MDGA2: variants seen among roughly 807,000 people sequenced by gnomAD.
MDGA2 encodes MAM domain containing glycosylphosphatidylinositol anchor 2.
Under a neutral mutation model 117.8 loss-of-function variants are expected in MDGA2, and 40 were observed. That is an observed-to-expected ratio of 0.34 (90% CI 0.26 to 0.44). MDGA2 has a LOEUF of 0.44. MDGA2 is among the 20% of genes least tolerant of loss of function. The pLI is 1.00. For missense variants in MDGA2, 1,123 were observed against 1,250.6 expected, an observed-to-expected ratio of 0.90 and a Z score of 1.54; for synonymous variants, 452 against 439.0, an observed-to-expected ratio of 1.03 and a Z score of -0.37.
chr14:46,866,945 G>A (rs1319698636), intron 14 of MDGA2, among the ~76,000 whole-genome samples: 2 of 152,122 alleles, frequency 1.3e-5, no homozygotes, highest in East Asian at 3.9e-4. Context: ...CTGTTGGTGG[G>A]ACTGTAAACT....
At chr14:46,968,822 G>A (rs865857404) in intron 8 of MDGA2, among the ~76,000 whole-genome samples, 6 of 145,748 alleles carry the variant, frequency 4.1e-5, no homozygotes, top group African/African-American at 1.0e-4. Flanking sequence ...AGGAAACAGA[G>A]CAAGACTCTG....
chr14:47,313,958 CA>C (rs1889722103), intron 1 of MDGA2, among the ~76,000 whole-genome samples: 1 of 152,042 alleles, frequency 6.6e-6, no homozygotes. Flanking sequence ...GAGAAACTGT[CA>C]ATAACAGCAT....
At chr14:46,882,429 G>C (rs545074661) in intron 10 of MDGA2, among the ~76,000 whole-genome samples, 1 of 151,016 alleles carries the variant, frequency 6.6e-6, no homozygotes, top group South Asian at 2.1e-4. Context: ...ATGATCAGAG[G>C]TATTTAATAG....
intron 1 of MDGA2, among the ~76,000 whole-genome samples, chr14:47,612,241 T>TAGAC (rs1896863348): frequency 6.6e-6 from 1 of 151,980 alleles, no homozygotes; most frequent in African/African-American, 2.4e-5. Context: ...GATAGATAGA[T>TAGAC]AGATAGATAG....
intron 1 of MDGA2, among the ~76,000 whole-genome samples, chr14:47,338,140 C>T (rs1338156810): frequency 1.3e-5 from 2 of 151,994 alleles, no homozygotes; most frequent in Admixed American, 1.3e-4. Flanking sequence ...TTTTCAATAG[C>T]TGTTATACCT....
At chr14:47,364,761 C>T (rs1284530410) in intron 1 of MDGA2, among the ~76,000 whole-genome samples, 2 of 152,170 alleles carry the variant, frequency 1.3e-5, no homozygotes, top group African/African-American at 4.8e-5. Flanking sequence ...GTGAGTGATG[C>T]TAATCTGCAT....
chr14:47,546,972 T>A (rs1279203359), intron 1 of MDGA2, among the ~76,000 whole-genome samples: 2 of 152,184 alleles, frequency 1.3e-5, no homozygotes, highest in African/African-American at 4.8e-5. Flanking sequence ...CAAGGTTATT[T>A]GTCCTCCATG....
chr14:47,509,000 C>T (rs564401722), intron 1 of MDGA2, among the ~76,000 whole-genome samples: 1 of 152,190 alleles, frequency 6.6e-6, no homozygotes, highest in Non-Finnish European at 1.5e-5. Context: ...AAGGAACACA[C>T]CTTCTTATGA....
rs562953641 is a variant in MDGA2, at chr14:47,090,901, T to C, written c.1195+5953A>G. On this transcript the variant is annotated intron_variant, in intron 6 of 16. Coordinates refer to ENST00000399232, the MANE Select transcript of MDGA2 (RefSeq NM_001113498.3). The stretch of plus-strand genomic sequence containing the variant: ...CACTAGTTATTTGAATAAAGAAGCA[T>C]TGAAGATTACTGCAGACCTAGCCAC... Among the ~76,000 whole-genome samples the C allele has an allele frequency of 2.1e-3, 324 of 152,252 alleles. 9 individuals carry two copies. The South Asian group carries it at 0.057, about 27-fold the overall frequency.
intron 1 of MDGA2, among the ~76,000 whole-genome samples, chr14:47,617,358 C>A (rs959373688): frequency 6.6e-6 from 1 of 152,066 alleles, no homozygotes; most frequent in South Asian, 2.1e-4. Context: ...GTGCCCACCA[C>A]CACACCTGGC....
At chr14:47,248,178 G>T (rs1887314024) in intron 2 of MDGA2, among the ~76,000 whole-genome samples, 1 of 150,422 alleles carries the variant, frequency 6.6e-6, no homozygotes, top group Non-Finnish European at 1.5e-5. Context: ...GGGATTGCTG[G>T]GTCAAATGGT....
At chr14:46,918,166 T>C (rs1469086459) in intron 10 of MDGA2, among the ~76,000 whole-genome samples, 2 of 152,186 alleles carry the variant, frequency 1.3e-5, no homozygotes, top group African/African-American at 4.8e-5. Context: ...TATGACTCTA[T>C]CTTTGCAAAT....
At chr14:47,291,490 C>T (rs1050770063) in intron 2 of MDGA2, among the ~76,000 whole-genome samples, 1 of 152,142 alleles carries the variant, frequency 6.6e-6, no homozygotes, top group African/African-American at 2.4e-5. Context: ...AACCCCAACG[C>T]AACTTGAAAA....
intron 1 of MDGA2, among the ~76,000 whole-genome samples, chr14:47,392,536 T>A (rs1003775535): frequency 4.6e-5 from 7 of 152,086 alleles, no homozygotes; most frequent in African/African-American, 1.4e-4. Flanking sequence ...AAGATAAATA[T>A]AGACTCTGCC....
Position 47,655,392 on chromosome 14 carries a change from A to G in MDGA2, c.280+19125T>C, listed in dbSNP as rs373105879. On this transcript the variant is annotated intron_variant, in intron 1 of 16. Transcript: ENST00000399232. ...TAATAACTTTTCTGTCCTCTGCCATAATACAGTCTGAAAGAATCTGAATGT... is the reference window on the plus strand; with the variant it reads ...TAATAACTTTTCTGTCCTCTGCCATGATACAGTCTGAAAGAATCTGAATGT... Among the ~76,000 whole-genome samples the G allele has an allele frequency of 1.2e-4, 19 of 152,256 alleles. No individual in the cohort carries two copies. The South Asian group carries it at 3.3e-3, about 27-fold the overall frequency.
At chr14:47,164,404 A>G (rs1319399656) in intron 3 of MDGA2, among the ~76,000 whole-genome samples, 3 of 152,228 alleles carry the variant, frequency 2.0e-5, no homozygotes, top group African/African-American at 7.2e-5. Context: ...CAAATTTACA[A>G]GAAAAAAACA....
intron 8 of MDGA2, among the ~76,000 whole-genome samples, chr14:46,973,951 G>A (rs564140945): frequency 2.6e-4 from 38 of 148,576 alleles, no homozygotes; most frequent in African/African-American, 9.5e-4. Context: ...ACAGCTCACT[G>A]CAGCCTCTGA....
At chr14:47,267,280 A>G (rs1594762499) in intron 2 of MDGA2, among the ~76,000 whole-genome samples, 1 of 103,442 alleles carries the variant, frequency 9.7e-6, no homozygotes, top group Non-Finnish European at 2.3e-5. Flanking sequence ...ATTCTAAGTG[A>G]AAAAAAACAG....
At chr14:47,516,079 T>A in intron 1 of MDGA2, among the ~76,000 whole-genome samples, 2 of 152,212 alleles carry the variant, frequency 1.3e-5, no homozygotes, top group East Asian at 3.9e-4. Context: ...TAGTACATTT[T>A]CTTAGGCACA....
Sources: gnomAD v4.1 joint callset for allele counts (sites outside exome capture counted in the v4.1 genomes callset) on GRCh38, gnomAD v4.1.1 for gene constraint, MANE v1.5 for transcripts, NCBI Gene and HGNC (gene_info 2026-07-23, HGNC 2026-07-21) for gene names.